TELO2: variants seen among roughly 807,000 people sequenced by gnomAD.
TELO2 encodes the protein telomere length regulation protein TEL2 homolog.
A neutral mutation model predicts 91.0 loss-of-function variants in TELO2; 71 were observed. The ratio of observed to expected loss-of-function variants is 0.78; its 90% CI spans 0.64 to 0.95. The LOEUF is 0.95. TELO2 is among the 40% of genes least tolerant of loss of function. The probability of loss-of-function intolerance (pLI) is 0.00; values close to 1 mark genes in which losing one functional copy is unlikely to be tolerated. For synonymous variants in TELO2, 584 were observed against 518.9 expected, an observed-to-expected ratio of 1.13 and a Z score of -1.71; for missense variants, 1,183 against 1,141.3, an observed-to-expected ratio of 1.04 and a Z score of -0.53.
In TELO2 at chr16:1,493,634, CG is replaced by C; in HGVS notation, c.-37+34del. On this transcript the variant is annotated intron_variant, in intron 1 of 20. Coordinates refer to ENST00000262319, the MANE Select transcript of TELO2 (RefSeq NM_016111.4). The surrounding 1 kb of genome is among the most constrained non-coding windows in gnomAD (Gnocchi z 4.3). ...GGGTTGGGGGTCGGGGATCGGGGAT[CG>C]GGGGTCCGGTTGGGTCGGGTTGGGC... 6.7e-6 allele frequency: 1 copy of C among 150,166 alleles called. No homozygotes were observed. The highest frequency in any genetic ancestry group is 2.0e-4 in the East Asian group (1 of 4,890). 9.3% of individuals were successfully genotyped at this position (150,166 alleles called of 1,614,324 possible). A position where few individuals can be genotyped will look rare whatever the true frequency, so the allele number is the denominator to read the frequency against.
rs9454 is a variant in TELO2 at position 1,510,110 on chromosome 16, C to T, written c.*174C>T. 179,712 of 610,252 alleles carry T rather than the reference C, an allele frequency of 0.29. 29,701 individuals carry two copies. Among genetic ancestry groups the T allele is most frequent in the African/African-American group, 0.56 (30,121 of 53,954 alleles). The allele number at this position is 610,252 out of a possible 1,614,324, so 37.8% of individuals were successfully genotyped here. A position where few individuals can be genotyped will look rare whatever the true frequency, so the allele number is the denominator to read the frequency against. ...GCCGCTATTTATAGTGCAGCCAGTC[C>T]GCTAAAAATACACTGGGCCTGGGCA... On this transcript the variant is annotated 3_prime_UTR_variant, in exon 21 of 21. Transcript: ENST00000262319.
rs2039844128 is a variant in TELO2, at chr16:1,505,180, G to A, written c.1843-230G>A. 3 of 558,754 alleles carry A rather than the reference G, an allele frequency of 5.4e-6. No individual in the cohort carries two copies. The highest frequency in any genetic ancestry group is 9.5e-6 in the Non-Finnish European group (3 of 314,520). The allele number at this position is 558,754 out of a possible 1,614,324, so 34.6% of individuals were successfully genotyped here. A position where few individuals can be genotyped will look rare whatever the true frequency, so the allele number is the denominator to read the frequency against. Reference sequence around the variant, plus strand: ...AGGATGAGGCTGCGCTCGGCCCTGGGCGTGTTCTCATCTCCTGGAGCACGG... The same window carrying A: ...AGGATGAGGCTGCGCTCGGCCCTGGACGTGTTCTCATCTCCTGGAGCACGG... On this transcript the variant is annotated intron_variant, in intron 15 of 20. Transcript: ENST00000262319. The surrounding 1 kb of genome is among the most constrained non-coding windows in gnomAD (Gnocchi z 4.3).
In TELO2 at chr16:1,494,489, C is replaced by G; in HGVS notation, c.208C>G (p.Leu70Val). The G allele has an allele frequency of 6.2e-7, 1 of 1,613,334 alleles. No homozygotes were observed. The highest frequency in any genetic ancestry group is 1.1e-5 in the South Asian group (1 of 91,074). Residue 70 changes from leucine (L) to valine (V), a missense_variant, in exon 2 of 21, where the codon CTG becomes GTG. Leu to Val is a conservative substitution (Grantham distance 32). Coordinates refer to ENST00000262319, the MANE Select transcript of TELO2 (RefSeq NM_016111.4). This position sits in a 1 kb window ranked among gnomAD's most constrained non-coding sequence, Gnocchi z 5.6. ...TGTCCTCAGATGTCTTGCCAGCAGGCTGAGCCCAGCCTGGCTGGAGCTGCT... is the reference window on the plus strand; with the variant it reads ...TGTCCTCAGATGTCTTGCCAGCAGGGTGAGCCCAGCCTGGCTGGAGCTGCT... ...SPVLRCLASRLSPAWLELLPH... is the reference protein window; with the variant it reads ...SPVLRCLASRVSPAWLELLPH...
chr16:1,501,394 C>T, intron 9 of TELO2, 26 bp from the exon 10 acceptor site: 1 of 1,607,376 alleles, frequency 6.2e-7, no homozygotes, highest in Non-Finnish European at 8.5e-7. Context: ...CTGGCGGATG[C>T]CGCTGAGCCT....
At position 1,500,583 on chromosome 16, in the gene TELO2, G is replaced by T; in HGVS notation, c.1165G>T (p.Ala389Ser). ...SRDELLASMM[A>S]GVKCRLDSSL... ...TGCAGAACTGCTGGCCAGCATGATG[G>T]CGGGCGTGAAGTGCCGCCTGGACAG... Residue 389 changes from alanine (A) to serine (S), a missense_variant, in exon 9 of 21, where the codon GCG becomes TCG. By Grantham distance (99) the Ala-to-Ser change is moderately conservative. Transcript: ENST00000262319. 6.2e-7 allele frequency: 1 copy of T among 1,612,010 alleles called. No homozygotes were observed. Among genetic ancestry groups the T allele is most frequent in the Non-Finnish European group, 8.5e-7 (1 of 1,179,624 alleles).
Position 1,510,009 on chromosome 16 carries a change from G to A in TELO2, c.*73G>A. On this transcript the variant is annotated 3_prime_UTR_variant, in exon 21 of 21. Coordinates refer to ENST00000262319, the MANE Select transcript of TELO2 (RefSeq NM_016111.4). ...GGCTGAGCAGCGGCCTGGAGCAGCA[G>A]AGCCAGGCTTTGTAGCGAGGCCAGG... 7.2e-7 allele frequency: 1 copy of A among 1,380,124 alleles called. No homozygotes were observed. The allele number at this position is 1,380,124 out of a possible 1,614,324, so 85.5% of individuals were successfully genotyped here. A position where few individuals can be genotyped will look rare whatever the true frequency, so the allele number is the denominator to read the frequency against.
intron 3 of TELO2, among the ~76,000 whole-genome samples, chr16:1,496,778 C>T (rs866900719): frequency 6.6e-6 from 1 of 152,242 alleles, no homozygotes; most frequent in Non-Finnish European, 1.5e-5. Flanking sequence ...AACATCATAC[C>T]GGTCCCGACC....
chr16:1,500,315 C>A (rs761890648), intron 7 of TELO2, 32 bp from the exon 8 acceptor site: 57 of 1,553,870 alleles, frequency 3.7e-5, no homozygotes, highest in Middle Eastern at 2.2e-4. Flanking sequence ...TGGCCCCGAG[C>A]CCCACACAGT....
rs566609528 is a variant in TELO2, at chr16:1,495,426, C to T, written c.416C>T (p.Ala139Val). The change falls in exon 3 of 21, where the codon GCG (alanine) becomes GTG (valine). Residue 139 changes from alanine (A) to valine (V), a missense_variant. Transcript: ENST00000262319. ...GGCCGGCTGGCAGTGCTGATGGAGG[C>T]GCAGTGTCGGCAGCAGACGCAGCCC... The part of the protein sequence containing the change: ...REGRLAVLME[A>V]QCRQQTQPGF... 9.4e-6 allele frequency: 15 copies of T among 1,597,492 alleles called. No individual in the cohort carries two copies. The East Asian group carries it at 2.1e-4, about 22-fold the overall frequency.
At chr16:1,504,152 C>T (rs1353628857) in intron 15 of TELO2, among the ~76,000 whole-genome samples, 2 of 136,070 alleles carry the variant, frequency 1.5e-5, no homozygotes, top group African/African-American at 5.6e-5. Flanking sequence ...AAAAAAAAAG[C>T]AGCCGGCCAC....
At chr16:1,507,852 GTGTGTGT>G (rs774424872) in intron 20 of TELO2, 136 bp downstream of exon 20, 395 of 21,576 alleles carry the variant, frequency 0.018, 10 homozygotes, top group East Asian at 0.026. Context: ...GGCCCGGGGT[GTGTGTGT>G]GTGTGTGTGT....
In TELO2 at chr16:1,507,105, C is replaced by T. The variant is rs540924442; in HGVS notation, c.2226+54C>T. On this transcript the variant is annotated intron_variant, in intron 18 of 20. Coordinates refer to ENST00000262319, the MANE Select transcript of TELO2 (RefSeq NM_016111.4). ...GCCTGTGCTAACCATGGATCAGGAGCGCTCCTCAGCCTCACCTGCGCCCAG... is the reference window on the plus strand; with the variant it reads ...GCCTGTGCTAACCATGGATCAGGAGTGCTCCTCAGCCTCACCTGCGCCCAG... The T allele has an allele frequency of 5.7e-5, 88 of 1,541,480 alleles. No individual in the cohort carries two copies. The South Asian group carries it at 5.9e-4, about 10-fold the overall frequency.
At chr16:1,504,697 A>G (rs1038440690) in intron 15 of TELO2, among the ~76,000 whole-genome samples, 40 of 150,640 alleles carry the variant, frequency 2.7e-4, no homozygotes, top group African/African-American at 8.8e-4. Flanking sequence ...AGCTGGGACT[A>G]CAGGCGCCCG....
chr16:1,505,691 G>A lies in TELO2; in HGVS notation c.2034+90G>A, dbSNP rs1047934904. On this transcript the variant is annotated intron_variant, in intron 16 of 20. Coordinates refer to ENST00000262319, the MANE Select transcript of TELO2 (RefSeq NM_016111.4). This position sits in a 1 kb window ranked among gnomAD's most constrained non-coding sequence, Gnocchi z 4.3. ...GACACCTCCAGGCGCTGTCTGCAGC[G>A]AGGGGCGGCCACATTCGCTGGGGAT... 165 of 1,443,972 alleles carry A rather than the reference G, an allele frequency of 1.1e-4. No homozygotes were observed. Among genetic ancestry groups the A allele is most frequent in the Middle Eastern group, 2.5e-4 (1 of 4,008 alleles). The allele number at this position is 1,443,972 out of a possible 1,614,324, so 89.4% of individuals were successfully genotyped here. A position where few individuals can be genotyped will look rare whatever the true frequency, so the allele number is the denominator to read the frequency against.
intron 3 of TELO2, among the ~76,000 whole-genome samples, chr16:1,496,587 G>A (rs1397777533): frequency 6.6e-6 from 1 of 152,184 alleles, no homozygotes; most frequent in Non-Finnish European, 1.5e-5. Context: ...CTCTTCTGTG[G>A]GGCTGGTACA....
intron 15 of TELO2, among the ~76,000 whole-genome samples, chr16:1,504,702 C>CAT (rs1567303790): frequency 6.6e-6 from 1 of 151,190 alleles, no homozygotes; most frequent in African/African-American, 2.4e-5. Context: ...GGACTACAGG[C>CAT]GCCCGCCACC....
In TELO2 at chr16:1,505,218, C is replaced by T; in HGVS notation, c.1843-192C>T. The T allele has an allele frequency of 3.2e-6, 2 of 631,766 alleles. No homozygotes were observed. Among genetic ancestry groups the T allele is most frequent in the African/African-American group, 1.8e-5 (1 of 54,626 alleles). 39.1% of individuals were successfully genotyped at this position (631,766 alleles called of 1,614,324 possible). ...TCCTGGAGCACGGTGCCCACCTTCC[C>T]CACCTTCCCGCCTACCAAGGCGCGG... On this transcript the variant is annotated intron_variant, in intron 15 of 20. Coordinates refer to ENST00000262319, the MANE Select transcript of TELO2 (RefSeq NM_016111.4). This position sits in a 1 kb window ranked among gnomAD's most constrained non-coding sequence, Gnocchi z 4.3.
In TELO2 at chr16:1,502,312, G is replaced by A; in HGVS notation, c.1562-1G>A. ...CCGAGGCCTCTCTGGGTTCTGTGCA[G>A]CCCTGACCACGTCTGAGGACATAGA... On this transcript the variant is annotated splice_acceptor_variant, in intron 12 of 20. Transcript: ENST00000262319. LOFTEE classifies it high-confidence loss of function. The A allele has an allele frequency of 6.2e-7, 1 of 1,602,748 alleles. No homozygotes were observed. Among genetic ancestry groups the A allele is most frequent in the South Asian group, 1.1e-5 (1 of 89,440 alleles).
chr16:1,497,298 C>T lies in TELO2; in HGVS notation c.683-63C>T. The T allele has an allele frequency of 2.0e-6, 3 of 1,500,142 alleles. No homozygotes were observed. Among genetic ancestry groups the T allele is most frequent in the Non-Finnish European group, 2.7e-6 (3 of 1,118,172 alleles). 92.9% of individuals were successfully genotyped at this position (1,500,142 alleles called of 1,614,324 possible). On this transcript the variant is annotated intron_variant, in intron 4 of 20. Transcript: ENST00000262319. The surrounding 1 kb of genome is among the most constrained non-coding windows in gnomAD (Gnocchi z 4.0). Reference sequence around the variant, plus strand: ...TGTGGGACTGTCCTTGCTGGACCCACACAGCCCCAGACACCAGGTGGGTGC... The same window carrying T: ...TGTGGGACTGTCCTTGCTGGACCCATACAGCCCCAGACACCAGGTGGGTGC...
Sources: gnomAD v4.1 joint callset for allele counts (sites outside exome capture counted in the v4.1 genomes callset) on GRCh38, gnomAD v4.1.1 for gene constraint, Gnocchi (gnomAD v3.1) non-coding constraint, MANE v1.5 for transcripts, NCBI Gene and HGNC (gene_info 2026-07-23, HGNC 2026-07-21) for gene names.